The following GABRB1 variants were observed in gnomAD, a reference collection of about 807,000 sequenced individuals.
GABRB1 encodes the protein gamma-aminobutyric acid type A receptor subunit beta1, also known as gamma-aminobutyric acid receptor subunit beta-1.
Under a neutral mutation model 51.6 loss-of-function variants are expected in GABRB1, and 17 were observed. The ratio of observed to expected loss-of-function variants is 0.33; its 90% confidence interval spans 0.23 to 0.49. The LOEUF (loss-of-function observed/expected upper bound fraction) is 0.49, where lower values mean the gene tolerates loss of function less well. Ranked by LOEUF, GABRB1 falls within the 20% of genes least tolerant of loss-of-function variation. The pLI, the probability that GABRB1 is intolerant of heterozygous loss-of-function variation, is 0.99. For missense variants in GABRB1, 410 were observed against 600.6 expected, an observed-to-expected ratio of 0.68 and a Z score of 3.32; for synonymous variants, 247 against 218.9, an observed-to-expected ratio of 1.13 and a Z score of -1.14.
chr4:47,153,763 A>C (rs992533854), intron 3 of GABRB1, among the ~76,000 whole-genome samples: 1 of 152,038 alleles, frequency 6.6e-6, no homozygotes, highest in African/African-American at 2.4e-5. Flanking sequence ...TAATTTCAAA[A>C]TTTTTCAGAA....
chr4:47,274,896 T>C (rs1286002682), intron 4 of GABRB1, among the ~76,000 whole-genome samples: 1 of 152,174 alleles, frequency 6.6e-6, no homozygotes, highest in Non-Finnish European at 1.5e-5. Flanking sequence ...CCTGTCCAAA[T>C]GGCCATTCCT....
intron 7 of GABRB1, among the ~76,000 whole-genome samples, chr4:47,406,077 A>G (rs1206125249): frequency 6.6e-6 from 1 of 152,206 alleles, no homozygotes; most frequent in Non-Finnish European, 1.5e-5. Flanking sequence ...TAGTAAATGT[A>G]AAATATACAT....
chr4:47,009,592 A>G (rs1724530160), intron 1 of GABRB1, among the ~76,000 whole-genome samples: 2 of 152,224 alleles, frequency 1.3e-5, no homozygotes, highest in Non-Finnish European at 2.9e-5. Context: ...ACCATTGACA[A>G]GAGGCCTCTG....
At chr4:47,105,701 C>T (rs953627584) in intron 3 of GABRB1, among the ~76,000 whole-genome samples, 16 of 152,046 alleles carry the variant, frequency 1.1e-4, no homozygotes, top group South Asian at 2.1e-4. Flanking sequence ...AAGAAACATC[C>T]GAGTGAGCCT....
chr4:47,230,375 G>A (rs1389577684), intron 4 of GABRB1, among the ~76,000 whole-genome samples: 1 of 152,084 alleles, frequency 6.6e-6, no homozygotes, highest in Non-Finnish European at 1.5e-5. Context: ...TCTGGAAAGT[G>A]ATTTGAAAAA....
At chr4:47,340,810 A>C (rs1408390220) in intron 5 of GABRB1, among the ~76,000 whole-genome samples, 1 of 152,272 alleles carries the variant, frequency 6.6e-6, no homozygotes, top group Non-Finnish European at 1.5e-5. Context: ...TCTGAAAAAA[A>C]ATTTTCACCA....
At chr4:47,367,328 C>T (rs948745788) in intron 5 of GABRB1, among the ~76,000 whole-genome samples, 2 of 152,174 alleles carry the variant, frequency 1.3e-5, no homozygotes, top group African/African-American at 4.8e-5. Flanking sequence ...TAGAAAGCTA[C>T]CATGTCTAGT....
At chr4:47,190,779 A>T in intron 4 of GABRB1, among the ~76,000 whole-genome samples, 1 of 152,102 alleles carries the variant, frequency 6.6e-6, no homozygotes, top group Non-Finnish European at 1.5e-5. Context: ...ATATATTTTG[A>T]TTCAGTAGAT....
intron 3 of GABRB1, among the ~76,000 whole-genome samples, chr4:47,077,219 C>G (rs1464479356): frequency 1.3e-5 from 2 of 152,104 alleles, no homozygotes; most frequent in East Asian, 1.9e-4. Context: ...ATGGGTATTA[C>G]CAGATCTGAT....
In GABRB1 at chr4:47,392,746, C is replaced by T. The variant is rs144969914; in HGVS notation, c.545-10572C>T. Among the ~76,000 whole-genome samples, 777 of 152,272 alleles carry T rather than the reference C, an allele frequency of 5.1e-3. 7 individuals carry two copies. The highest frequency in any genetic ancestry group is 0.017 in the African/African-American group (691 of 41,554). ...AGCCCCAGCAGTACAGAGTAGAGCA[C>T]AGAAAGTGGAGTATGCAGCATAGAA... On this transcript the variant is annotated intron_variant, in intron 5 of 8. Transcript: ENST00000295454.
chr4:47,179,681 G>C (rs1381912192), intron 4 of GABRB1, among the ~76,000 whole-genome samples: 1 of 152,084 alleles, frequency 6.6e-6, no homozygotes, highest in Non-Finnish European at 1.5e-5. Flanking sequence ...TGCTCAGTTA[G>C]ATAGGCATGG....
At position 47,123,943 on chromosome 4, in the gene GABRB1, T is replaced by G. The variant is rs1392743826; in HGVS notation, c.241-37306T>G. 7.2e-5 allele frequency among the ~76,000 whole-genome samples: 8 copies of G among 111,614 alleles called. No homozygotes were observed. The South Asian group carries it at 1.2e-3, about 17-fold the overall frequency. The allele number at this position is 111,614 out of a possible 152,430, so 73.2% of individuals were successfully genotyped here. On this transcript the variant is annotated intron_variant, in intron 3 of 8. Transcript: ENST00000295454. ...ATGATATATAATATATTATATATAT[T>G]ATATATATCATATATATGTATAAAT...
chr4:47,369,296 G>T (rs1003071079), intron 5 of GABRB1, among the ~76,000 whole-genome samples: 14 of 152,082 alleles, frequency 9.2e-5, no homozygotes, highest in Admixed American at 8.5e-4. Context: ...GTGTGATCTT[G>T]AGCAAATCAC....
intron 5 of GABRB1, among the ~76,000 whole-genome samples, chr4:47,367,910 A>T (rs1221176065): frequency 2.6e-5 from 4 of 152,224 alleles, no homozygotes; most frequent in African/African-American, 9.6e-5. Context: ...AGGCTGACTG[A>T]TTATAACCAC....
At chr4:47,113,145 G>A (rs534214520) in intron 3 of GABRB1, among the ~76,000 whole-genome samples, 31 of 152,190 alleles carry the variant, frequency 2.0e-4, no homozygotes, top group Admixed American at 7.2e-4. Context: ...CAGCACTTTG[G>A]GAAGCCAAGG....
intron 4 of GABRB1, among the ~76,000 whole-genome samples, chr4:47,292,855 C>T (rs1210557989): frequency 1.3e-5 from 2 of 152,040 alleles, no homozygotes; most frequent in Non-Finnish European, 2.9e-5. Context: ...TGAAATCCCT[C>T]TTTTATAATG....
chr4:47,335,232 C>T (rs763116784), intron 5 of GABRB1, among the ~76,000 whole-genome samples: 4 of 152,016 alleles, frequency 2.6e-5, no homozygotes, highest in Admixed American at 6.6e-5. Flanking sequence ...TAGGTTCTCA[C>T]GGGTCACCTG....
At chr4:47,118,392 C>T (rs1444597604) in intron 3 of GABRB1, among the ~76,000 whole-genome samples, 1 of 152,084 alleles carries the variant, frequency 6.6e-6, no homozygotes, top group Non-Finnish European at 1.5e-5. Context: ...AGCCAGGTGT[C>T]TTGCAGCTGT....
intron 2 of GABRB1, 81 bp downstream of exon 2, chr4:47,032,086 A>AAAAAAAAAT: frequency 1.6e-6 from 1 of 634,666 alleles, no homozygotes; most frequent in Non-Finnish European, 2.5e-6. Flanking sequence ...AAAAAAAAAA[A>AAAAAAAAAT]GAAAAGGCAT....
Sources: gnomAD v4.1 joint callset for allele counts (sites outside exome capture counted in the v4.1 genomes callset) on GRCh38, gnomAD v4.1.1 for gene constraint, MANE v1.5 for transcripts, NCBI Gene and HGNC (gene_info 2026-07-23, HGNC 2026-07-21) for gene names.